The following PRKCQ variants were observed in gnomAD, a reference collection of about 807,000 sequenced individuals.
PRKCQ encodes the protein protein kinase C theta, also known as protein kinase C theta type.
PRKCQ carries 41 observed loss-of-function variants against 91.2 expected under a neutral mutation model. That is an observed-to-expected ratio of 0.45 (90% CI 0.35 to 0.58). The LOEUF (loss-of-function observed/expected upper bound fraction) is 0.58. PRKCQ is among the 20% of genes least tolerant of loss of function. The pLI is 0.00. For synonymous variants in PRKCQ, 307 were observed against 316.9 expected (o/e 0.97, Z 0.33); for missense variants, 673 against 896.5 (o/e 0.75, Z 3.18).
the PRKCQ span, among the ~76,000 whole-genome samples, chr10:6,418,955 A>ATATCTATCTATC: frequency 3.7e-4 from 55 of 147,196 alleles, no homozygotes; most frequent in East Asian, 1.6e-3. Context: ...ATCTTATCTA[A>ATATCTATCTATC]TATCTATCTA....
chr10:6,432,138 G>T (rs538321199), intron 16 of PRKCQ, among the ~76,000 whole-genome samples: 3 of 152,162 alleles, frequency 2.0e-5, no homozygotes, highest in Non-Finnish European at 4.4e-5. Context: ...GGAGCCTAAG[G>T]TTCTTTAAAA....
chr10:6,395,071 T>TC, the PRKCQ span, among the ~76,000 whole-genome samples: 7 of 108,792 alleles, frequency 6.4e-5, no homozygotes, highest in East Asian at 2.7e-3. Flanking sequence ...TTTTTTTTTT[T>TC]TTTTTTTTTG....
chr10:6,406,984 C>T, the PRKCQ span, among the ~76,000 whole-genome samples: 5 of 152,076 alleles, frequency 3.3e-5, no homozygotes, highest in South Asian at 8.3e-4. Flanking sequence ...CAAAATATAC[C>T]ATCCTTTGTA....
At chr10:6,453,691 C>T (rs7920054) in intron 15 of PRKCQ, among the ~76,000 whole-genome samples, 58,505 of 151,700 alleles carry the variant, frequency 0.39, 11,695 homozygotes, top group East Asian at 0.5. Context: ...AAATGATAGA[C>T]TGGATTAAGA....
chr10:6,472,559 C>T (rs1351535034), intron 12 of PRKCQ, among the ~76,000 whole-genome samples: 1 of 152,144 alleles, frequency 6.6e-6, no homozygotes, highest in Non-Finnish European at 1.5e-5. Context: ...GCGTTTTACG[C>T]CTTGAGAGAG....
At chr10:6,460,483 T>C (rs971004814) in intron 14 of PRKCQ, among the ~76,000 whole-genome samples, 3 of 144,586 alleles carry the variant, frequency 2.1e-5, no homozygotes, top group African/African-American at 5.5e-5. Context: ...ACTTCCCCTT[T>C]TTTTTTTTTA....
chr10:6,530,376 C>G (rs1314930132), intron 1 of PRKCQ, among the ~76,000 whole-genome samples: 3 of 152,340 alleles, frequency 2.0e-5, no homozygotes, highest in East Asian at 3.9e-4. Flanking sequence ...CTTCCTCCCG[C>G]GGGCGTGTGA....
chr10:6,438,427 AG>A (rs1833803101), intron 16 of PRKCQ, among the ~76,000 whole-genome samples: 1 of 152,256 alleles, frequency 6.6e-6, no homozygotes, highest in Admixed American at 6.5e-5. Flanking sequence ...CCAATGTTGA[AG>A]GATCTTATCC....
intron 15 of PRKCQ, among the ~76,000 whole-genome samples, 162 bp downstream of exon 15, chr10:6,456,512 A>G (rs920552924): frequency 2.6e-5 from 4 of 152,210 alleles, no homozygotes; most frequent in Non-Finnish European, 5.9e-5. Context: ...CAAAATAATA[A>G]TAGAAACCCA....
the PRKCQ span, among the ~76,000 whole-genome samples, chr10:6,413,480 AC>A: frequency 3.7e-5 from 1 of 27,088 alleles, no homozygotes; most frequent in Non-Finnish European, 7.5e-5. Flanking sequence ...TATGTCACAC[AC>A]ACACACACAC....
At chr10:6,450,298 AAC>A (rs1258544190) in intron 15 of PRKCQ, among the ~76,000 whole-genome samples, 1 of 150,618 alleles carries the variant, frequency 6.6e-6, no homozygotes, top group East Asian at 1.9e-4. Flanking sequence ...TCTCTGATAA[AAC>A]AGACTTTAAA....
At chr10:6,504,707 G>T (rs1464217187) in intron 4 of PRKCQ, among the ~76,000 whole-genome samples, 1 of 152,020 alleles carries the variant, frequency 6.6e-6, no homozygotes, top group Non-Finnish European at 1.5e-5. Context: ...TTCAGAAGAC[G>T]ATTTCTTATA....
chr10:6,428,002 A>C lies in PRKCQ; in HGVS notation c.*205T>G. ...TTCAGGAGCGTCTGTGAGACATGTC[A>C]GGAGACGAGACACACGGCATCGTCA... On this transcript the variant is annotated 3_prime_UTR_variant, in exon 18 of 18. Coordinates refer to ENST00000263125, the MANE Select transcript of PRKCQ (RefSeq NM_006257.5). 1.6e-6 allele frequency: 1 copy of C among 609,874 alleles called. No homozygotes were observed. Among genetic ancestry groups the C allele is most frequent in the Non-Finnish European group, 2.8e-6 (1 of 353,350 alleles). 37.8% of individuals were successfully genotyped at this position (609,874 alleles called of 1,614,324 possible).
chr10:6,418,184 G>C, the PRKCQ span, among the ~76,000 whole-genome samples: 1 of 152,174 alleles, frequency 6.6e-6, no homozygotes, highest in Non-Finnish European at 1.5e-5. Flanking sequence ...TATCACCTGT[G>C]AAGTCGCAGA....
intron 1 of PRKCQ, among the ~76,000 whole-genome samples, chr10:6,541,129 G>A (rs1183232451): frequency 6.6e-6 from 1 of 152,170 alleles, no homozygotes; most frequent in Non-Finnish European, 1.5e-5. Context: ...TTTTGCAGAC[G>A]TTACATTCTA....
intron 1 of PRKCQ, among the ~76,000 whole-genome samples, chr10:6,562,935 C>T (rs1227921355): frequency 6.6e-6 from 1 of 152,164 alleles, no homozygotes; most frequent in Non-Finnish European, 1.5e-5. Flanking sequence ...GAACACTCAT[C>T]ATGTTTTCTT....
intron 15 of PRKCQ, among the ~76,000 whole-genome samples, chr10:6,449,979 A>C: frequency 6.6e-6 from 1 of 152,186 alleles, no homozygotes; most frequent in Non-Finnish European, 1.5e-5. Flanking sequence ...CTGCAAAATC[A>C]TGCCAAAATG....
chr10:6,474,986 A>G (rs188599031), intron 12 of PRKCQ, among the ~76,000 whole-genome samples: 137 of 152,278 alleles, frequency 9.0e-4, no homozygotes, highest in Non-Finnish European at 1.5e-3. Context: ...GAAATGTTAG[A>G]AAAAAAGTAA....
chr10:6,580,452 C>T (rs1841439275), upstream of PRKCQ: 1 of 152,170 alleles, frequency 6.6e-6, no homozygotes, highest in Non-Finnish European at 1.5e-5. Flanking sequence ...CGGTCCCCCG[C>T]CGTGCGCCCC....
Sources: gnomAD v4.1 joint callset for allele counts (sites outside exome capture counted in the v4.1 genomes callset) on GRCh38, gnomAD v4.1.1 for gene constraint, MANE v1.5 for transcripts, NCBI Gene and HGNC (gene_info 2026-07-23, HGNC 2026-07-21) for gene names.